WDR35: variants seen among roughly 807,000 people sequenced by gnomAD.
WDR35 encodes WD repeat domain 35, also known as WD repeat-containing protein 35.
In WDR35, 118 loss-of-function variants were observed where a neutral mutation model predicts 158.3. The ratio of observed to expected loss-of-function variants is 0.75; its 90% CI spans 0.64 to 0.87. The LOEUF (loss-of-function observed/expected upper bound fraction) is 0.87. WDR35 is among the 40% of genes least tolerant of loss of function. The probability of loss-of-function intolerance (pLI) is 0.00; values close to 1 mark genes in which losing one functional copy is unlikely to be tolerated. For synonymous variants in WDR35, 448 were observed against 476.1 expected (o/e 0.94, Z 0.77); for missense variants, 1,263 against 1,405.8 (o/e 0.90, Z 1.62).
chr2:19,989,102 A>C, intron 2 of WDR35, 63 bp downstream of exon 2: 1 of 1,362,668 alleles, frequency 7.3e-7, no homozygotes, highest in Non-Finnish European at 1.1e-6. Flanking sequence ...ACATGAGTAG[A>C]CCGCACTGAA....
chr2:19,954,317 G>C (rs1048384027), intron 11 of WDR35, among the ~76,000 whole-genome samples: 1 of 152,132 alleles, frequency 6.6e-6, no homozygotes, highest in Non-Finnish European at 1.5e-5. Flanking sequence ...AGAAAAATTA[G>C]ATAAATTAGA....
Position 19,950,730 on chromosome 2 carries a change from T to C in WDR35, c.1470+685A>G, listed in dbSNP as rs373146653. Among the ~76,000 whole-genome samples the C allele has an allele frequency of 3.0e-4, 46 of 152,338 alleles. 1 individual carries two copies. The East Asian group carries it at 4.4e-3, about 15-fold the overall frequency. On this transcript the variant is annotated intron_variant, in intron 13 of 26. Transcript: ENST00000281405. The stretch of plus-strand genomic sequence containing the variant: ...TGACTAGATGAACTCTTGCATATTC[T>C]AGTAGATACATCACTAGATCTGCTG...
At chr2:19,918,089 A>G (rs1373838089) in intron 25 of WDR35, among the ~76,000 whole-genome samples, 1 of 152,232 alleles carries the variant, frequency 6.6e-6, no homozygotes, top group Non-Finnish European at 1.5e-5. Context: ...GCCAATATTC[A>G]ACATTCTTAA....
At position 19,913,483 on chromosome 2, in the gene WDR35, C is replaced by T; in HGVS notation, c.*75G>A. On this transcript the variant is annotated 3_prime_UTR_variant, in exon 27 of 27. Coordinates refer to ENST00000281405, the MANE Select transcript of WDR35 (RefSeq NM_020779.4). Reference sequence around the variant, plus strand: ...TCATACAAAACTCACAGAAATAAACCTTATTACATATACAGCATATAGCCA... The same window carrying T: ...TCATACAAAACTCACAGAAATAAACTTTATTACATATACAGCATATAGCCA... 1 of 1,564,960 alleles carries T rather than the reference C, an allele frequency of 6.4e-7. No homozygotes were observed. The highest frequency in any genetic ancestry group is 8.8e-7 in the Non-Finnish European group (1 of 1,141,796).
intron 4 of WDR35, among the ~76,000 whole-genome samples, chr2:19,979,479 G>A (rs757205421): frequency 6.6e-6 from 1 of 152,076 alleles, no homozygotes; most frequent in Admixed American, 6.6e-5. Flanking sequence ...AATGCCGAAT[G>A]ACAAAAATAT....
intron 24 of WDR35, 93 bp from the exon 25 acceptor site, chr2:19,930,645 A>ACT: frequency 6.4e-7 from 1 of 1,561,844 alleles, no homozygotes; most frequent in Non-Finnish European, 8.7e-7. Flanking sequence ...TATCTAAATG[A>ACT]GCAGATTTTA....
intron 25 of WDR35, among the ~76,000 whole-genome samples, chr2:19,919,380 CAAAA>C (rs1302042752): frequency 1.0e-4 from 5 of 48,242 alleles, no homozygotes; most frequent in Non-Finnish European, 1.7e-4. Context: ...GGCTCCATCT[CAAAA>C]AAAAAAAAAA....
chr2:19,973,488 TTTG>T (rs1211637608), intron 8 of WDR35, 72 bp downstream of exon 8: 29 of 1,594,272 alleles, frequency 1.8e-5, no homozygotes, highest in Non-Finnish European at 2.4e-5. Context: ...CACCGTTTCC[TTTG>T]TTATTTTTTC....
chr2:19,934,030 C>T lies in WDR35; in HGVS notation c.2548-519G>A, dbSNP rs1197906111. ...AGTGGTGGCAGCGAGGAAGAACCAC[C>T]ACCACCACCACCACCACCACCACCA... On this transcript the variant is annotated intron_variant, in intron 21 of 26. Transcript: ENST00000281405. This position sits in a 1 kb window ranked among gnomAD's most constrained non-coding sequence, Gnocchi z 4.6. 8.5e-6 allele frequency among the ~76,000 whole-genome samples: 1 copy of T among 117,708 alleles called. No homozygotes were observed. Among genetic ancestry groups the T allele is most frequent in the African/African-American group, 2.8e-5 (1 of 35,682 alleles). 77.2% of individuals were successfully genotyped at this position (117,708 alleles called of 152,430 possible).
Position 19,914,047 on chromosome 2 carries a change from G to A in WDR35, c.3352C>T (p.Leu1118Phe), listed in dbSNP as rs1047989756. ...TTAAAATTAGCCTACCCTTCCATAA[G>A]GCTGTCCAATTCAGGTTTTCTGTTA... is the stretch of plus-strand genomic sequence containing the variant. ...KDNRKPELDS[L>F]MEGGEGKLPT... Residue 1118 changes from leucine (L) to phenylalanine (F), a missense_variant, in exon 26 of 27, where the codon CTT (leucine) becomes TTT (phenylalanine). Leu to Phe is a conservative substitution (Grantham distance 22, BLOSUM62 0). Transcript: ENST00000281405. The A allele has an allele frequency of 3.7e-6, 6 of 1,613,874 alleles. No homozygotes were observed. Among genetic ancestry groups the A allele is most frequent in the Non-Finnish European group, 5.1e-6 (6 of 1,179,998 alleles).
Position 19,910,361 on chromosome 2 carries a change from T to A in WDR35, c.*3197A>T, listed in dbSNP as rs1300907205. ...GGAATACAGAAAAATAGTTTCAAAG[T>A]GTATTTTAGCAAAACAATTTATAAT... On this transcript the variant is annotated 3_prime_UTR_variant, in exon 27 of 27. Transcript: ENST00000281405. The A allele has an allele frequency of 6.6e-6, 1 of 152,214 alleles. No homozygotes were observed. Among genetic ancestry groups the A allele is most frequent in the Non-Finnish European group, 1.5e-5 (1 of 68,036 alleles). 9.4% of individuals were successfully genotyped at this position (152,214 alleles called of 1,614,324 possible).
chr2:19,921,817 C>T (rs1670176342), intron 25 of WDR35, among the ~76,000 whole-genome samples: 1 of 152,214 alleles, frequency 6.6e-6, no homozygotes, highest in African/African-American at 2.4e-5. Context: ...TTGCAACCTA[C>T]CCATCTGACA....
At chr2:19,951,742 A>T (rs111399379) in intron 12 of WDR35, 2 of 316,346 alleles carry the variant, frequency 6.3e-6, no homozygotes, top group African/African-American at 2.1e-5. Flanking sequence ...TATATTCCCG[A>T]TGAATTTCAT....
chr2:19,946,691 C>G (rs1671067186), intron 14 of WDR35, 121 bp from the exon 15 acceptor site: 1 of 850,454 alleles, frequency 1.2e-6, no homozygotes, highest in Non-Finnish European at 1.9e-6. Context: ...AGCAAATTCT[C>G]AATTCTGATA....
At chr2:19,965,598 A>C (rs1049498314) in intron 10 of WDR35, among the ~76,000 whole-genome samples, 17 of 152,188 alleles carry the variant, frequency 1.1e-4, no homozygotes, top group African/African-American at 3.6e-4. Context: ...GGTAATGTTG[A>C]GTAGCAAACT....
chr2:19,977,775 T>A (rs1232403413), intron 5 of WDR35, among the ~76,000 whole-genome samples: 1 of 152,226 alleles, frequency 6.6e-6, no homozygotes, highest in Admixed American at 6.5e-5. Flanking sequence ...TTTCTCTCTC[T>A]AGATTCACTG....
intron 11 of WDR35, 33 bp downstream of exon 11, chr2:19,960,521 T>C (rs1283811216): frequency 1.3e-6 from 2 of 1,546,682 alleles, no homozygotes; most frequent in Admixed American, 1.7e-5. Context: ...TAAAACCTGA[T>C]TGGAAAAGAA....
chr2:19,982,625 A>C, intron 2 of WDR35, 91 bp from the exon 3 acceptor site: 1 of 1,372,186 alleles, frequency 7.3e-7, no homozygotes, highest in Non-Finnish European at 1.0e-6. Context: ...GGGCAGTATT[A>C]ATCATTTTTC....
chr2:19,936,760 G>A (rs1670709751), intron 19 of WDR35, among the ~76,000 whole-genome samples: 1 of 152,150 alleles, frequency 6.6e-6, no homozygotes. Flanking sequence ...TTGAAAGTGA[G>A]ACAGGGCCCT....
Sources: allele counts gnomAD v4.1 joint callset (sites outside exome capture counted in the v4.1 genomes callset), GRCh38; gene constraint gnomAD v4.1.1; non-coding constraint Gnocchi (gnomAD v3.1); transcripts MANE v1.5; gene names NCBI Gene and HGNC (gene_info 2026-07-23, HGNC 2026-07-21).